NEMP1: variants seen among roughly 807,000 people sequenced by gnomAD.
The protein encoded by NEMP1 is nuclear envelope integral membrane protein 1, also known as transmembrane protein 194.
Under a neutral mutation model 53.7 loss-of-function variants are expected in NEMP1, and 29 were observed. That is an observed-to-expected ratio of 0.54 (90% CI 0.40 to 0.74). The LOEUF (loss-of-function observed/expected upper bound fraction) is 0.74, where lower values mean the gene tolerates loss of function less well. Ranked by LOEUF, NEMP1 falls within the 30% of genes least tolerant of loss-of-function variation. NEMP1 has a pLI of 0.00. For synonymous variants in NEMP1, 193 were observed against 192.9 expected, an observed-to-expected ratio of 1.00 and a Z score of 0.00; for missense variants, 477 against 528.6, an observed-to-expected ratio of 0.90 and a Z score of 0.96.
intron 4 of NEMP1, among the ~76,000 whole-genome samples, chr12:57,068,928 A>T (rs1289031796): frequency 1.3e-5 from 2 of 152,138 alleles, no homozygotes; most frequent in Admixed American, 6.5e-5. Context: ...TGTAAAGATG[A>T]CACCTTAACA....
chr12:57,081,921 C>CAA (rs112410467), upstream of NEMP1, among the ~76,000 whole-genome samples: 7 of 135,096 alleles, frequency 5.2e-5, no homozygotes, highest in African/African-American at 1.9e-4. Flanking sequence ...AATAAGAAAA[C>CAA]AAAAAAAAAC....
Position 57,064,716 on chromosome 12 carries a change from G to A in NEMP1, c.569C>T (p.Thr190Ile). 2 of 1,612,586 alleles carry A rather than the reference G, an allele frequency of 1.2e-6. No homozygotes were observed. The highest frequency in any genetic ancestry group is 1.1e-5 in the South Asian group (1 of 90,804). The change falls in exon 5 of 9, where the codon ACT becomes ATT. Residue 190 changes from threonine (T) to isoleucine (I), a missense_variant. Coordinates refer to ENST00000300128, the MANE Select transcript of NEMP1 (RefSeq NM_001130963.2). Reference protein sequence around the residue: ...LSRSQIFYYSTGMTVGIVASL... With the variant: ...LSRSQIFYYSIGMTVGIVASL... ...GGCCACAATTCCCACAGTCATCCCAGTAGAGTAGTAGAAAATTTGACTTCT... is the reference window on the plus strand; with the variant it reads ...GGCCACAATTCCCACAGTCATCCCAATAGAGTAGTAGAAAATTTGACTTCT...
At chr12:57,077,955 G>A (rs1232597935) in intron 1 of NEMP1, among the ~76,000 whole-genome samples, 1 of 151,926 alleles carries the variant, frequency 6.6e-6, no homozygotes, top group African/African-American at 2.4e-5. Flanking sequence ...GGTGGCGGGT[G>A]CCTGTAATCC....
intron 1 of NEMP1, among the ~76,000 whole-genome samples, chr12:57,076,822 C>T (rs1313015619): frequency 6.6e-6 from 1 of 151,278 alleles, no homozygotes; most frequent in Non-Finnish European, 1.5e-5. Flanking sequence ...AAAAAATTAG[C>T]CGAGTGTGGT....
chr12:57,059,690 C>T lies in NEMP1; in HGVS notation c.*189G>A. 5 of 545,792 alleles carry T rather than the reference C, an allele frequency of 9.2e-6. No individual in the cohort carries two copies. The South Asian group carries it at 1.4e-4, about 15-fold the overall frequency. 33.8% of individuals were successfully genotyped at this position (545,792 alleles called of 1,614,324 possible). A position where few individuals can be genotyped will look rare whatever the true frequency, so the allele number is the denominator to read the frequency against. On this transcript the variant is annotated 3_prime_UTR_variant, in exon 9 of 9. Transcript: ENST00000300128. ...CCCAGCATTCACTACTTTATCCACT[C>T]TCCTTCCTCAGGGATCCCATAGAGA...
upstream of NEMP1, among the ~76,000 whole-genome samples, chr12:57,083,304 T>C (rs747478172): frequency 1.3e-5 from 2 of 152,164 alleles, no homozygotes; most frequent in Non-Finnish European, 2.9e-5. Context: ...TCCAAATGAG[T>C]GCTGTCATTT....
chr12:57,086,882 G>A (rs564123688), intron 1 of NEMP1, among the ~76,000 whole-genome samples: 1 of 152,248 alleles, frequency 6.6e-6, no homozygotes. Flanking sequence ...CAAACTGGCA[G>A]TAGCGTCTTA....
chr12:57,071,168 C>A (rs777890532), intron 2 of NEMP1, among the ~76,000 whole-genome samples: 1 of 152,136 alleles, frequency 6.6e-6, no homozygotes, highest in Non-Finnish European at 1.5e-5. Context: ...AAAAGACTTC[C>A]AAACTGAAAG....
chr12:57,078,454 G>A (rs2032732710), intron 1 of NEMP1, among the ~76,000 whole-genome samples, 165 bp downstream of exon 1: 2 of 152,146 alleles, frequency 1.3e-5, no homozygotes, highest in African/African-American at 4.8e-5. Flanking sequence ...CCTCAGTCCC[G>A]ACGCCCACTA....
Position 57,074,451 on chromosome 12 carries a change from T to C in NEMP1, c.128-1539A>G, listed in dbSNP as rs149185453. On this transcript the variant is annotated intron_variant, in intron 1 of 8. Coordinates refer to ENST00000300128, the MANE Select transcript of NEMP1 (RefSeq NM_001130963.2). ...GCATTACAGGCATGAGCCAACTCAA[T>C]TGGCTAACTTTTTTTGTGTGTGTGT... 3.7e-3 allele frequency among the ~76,000 whole-genome samples: 565 copies of C among 152,024 alleles called. 2 individuals are homozygous for C. The highest frequency in any genetic ancestry group is 0.013 in the African/African-American group (528 of 41,466).
chr12:57,075,672 GA>G (rs1376400583), intron 1 of NEMP1, among the ~76,000 whole-genome samples: 6 of 134,698 alleles, frequency 4.5e-5, no homozygotes, highest in East Asian at 4.4e-4. Flanking sequence ...AAAAAAAAAA[GA>G]AAAAAAAATA....
chr12:57,060,937 C>G lies in NEMP1; in HGVS notation c.989G>C (p.Cys330Ser), dbSNP rs114352356. ...QWLYITCRKV[C>S]KGAEKPVPPR... The stretch of plus-strand genomic sequence containing the variant: ...GGGAACAGGCTTTTCTGCTCCCTTA[C>G]ACACCTTTCTGTGCTCACCAAAATA... Residue 330 changes from cysteine (C) to serine (S), a missense_variant, in exon 8 of 9, where the codon TGT (cysteine) becomes TCT (serine). Coordinates refer to ENST00000300128, the MANE Select transcript of NEMP1 (RefSeq NM_001130963.2). 1.6e-3 allele frequency: 2,527 copies of G among 1,613,608 alleles called. 33 individuals are homozygous for G. In the African/African-American group the frequency reaches 0.03, roughly 19 times the overall value.
chr12:57,071,339 T>C (rs1167475355), intron 2 of NEMP1, among the ~76,000 whole-genome samples: 1 of 152,154 alleles, frequency 6.6e-6, no homozygotes, highest in African/African-American at 2.4e-5. Context: ...GAGTAAATGT[T>C]GGTTATAATG....
Position 57,059,825 on chromosome 12 carries a change from T to C in NEMP1, c.*54A>G. The C allele has an allele frequency of 6.6e-7, 1 of 1,511,458 alleles. No individual in the cohort carries two copies. Among genetic ancestry groups the C allele is most frequent in the Non-Finnish European group, 9.1e-7 (1 of 1,099,638 alleles). The allele number at this position is 1,511,458 out of a possible 1,614,324, so 93.6% of individuals were successfully genotyped here. A position where few individuals can be genotyped will look rare whatever the true frequency, so the allele number is the denominator to read the frequency against. ...GGGTTGAAAGCAATTGCACAACACA[T>C]GCAACATGGACCAAGGCACCAAGCC... On this transcript the variant is annotated 3_prime_UTR_variant, in exon 9 of 9. Coordinates refer to ENST00000300128, the MANE Select transcript of NEMP1 (RefSeq NM_001130963.2).
At chr12:57,064,210 G>T in intron 5 of NEMP1, 25 bp from the exon 6 acceptor site, 1 of 1,450,864 alleles carries the variant, frequency 6.9e-7, no homozygotes, top group Non-Finnish European at 9.4e-7. Flanking sequence ...AGAAGTGAAA[G>T]CAAAAAGTTA....
Position 57,059,599 on chromosome 12 carries a change from G to T in NEMP1, c.*280C>A. 1 of 299,708 alleles carries T rather than the reference G, an allele frequency of 3.3e-6. No homozygotes were observed. 18.6% of individuals were successfully genotyped at this position (299,708 alleles called of 1,614,324 possible). A position where few individuals can be genotyped will look rare whatever the true frequency, so the allele number is the denominator to read the frequency against. The stretch of plus-strand genomic sequence containing the variant: ...AAGGAGCTAGAATGCCATGCTAGCT[G>T]TGGCCATCCAATTTCTCTGGAAACA... On this transcript the variant is annotated 3_prime_UTR_variant, in exon 9 of 9. Transcript: ENST00000300128.
At chr12:57,088,467 A>T (rs562517119), upstream of NEMP1, among the ~76,000 whole-genome samples, 12 of 152,308 alleles carry the variant, frequency 7.9e-5, no homozygotes, top group East Asian at 1.9e-3. Flanking sequence ...ATGCACGCAC[A>T]GGAGAAGCCG....
At chr12:57,081,228 A>G (rs186751335), upstream of NEMP1, among the ~76,000 whole-genome samples, 2 of 152,228 alleles carry the variant, frequency 1.3e-5, no homozygotes, top group East Asian at 3.9e-4. Context: ...AGTCATCCAA[A>G]CATCATTATG....
At chr12:57,061,085 T>A (rs531339869) in intron 7 of NEMP1, 140 bp from the exon 8 acceptor site, 3 of 787,648 alleles carry the variant, frequency 3.8e-6, no homozygotes, top group Non-Finnish European at 5.8e-6. Context: ...TCCATGGACA[T>A]CTTTAGTTAT....
Sources: allele counts gnomAD v4.1 joint callset (sites outside exome capture counted in the v4.1 genomes callset), GRCh38; gene constraint gnomAD v4.1.1; transcripts MANE v1.5; gene names NCBI Gene and HGNC (gene_info 2026-07-23, HGNC 2026-07-21).